Variants in NR4A3 observed in about 807,000 individuals in gnomAD.
NR4A3 encodes nuclear receptor subfamily 4 group A member 3.
A neutral mutation model predicts 55.6 loss-of-function variants in NR4A3; 13 were observed. That is an observed-to-expected ratio of 0.23 (90% confidence interval 0.15 to 0.37). The LOEUF (loss-of-function observed/expected upper bound fraction) is 0.37, where lower values mean the gene tolerates loss of function less well. Ranked by LOEUF, NR4A3 falls within the 10% of genes least tolerant of loss-of-function variation. NR4A3 has a pLI of 1.00. For missense variants in NR4A3, 646 were observed against 822.8 expected, an observed-to-expected ratio of 0.79 and a Z score of 2.63; for synonymous variants, 342 against 357.9, an observed-to-expected ratio of 0.96 and a Z score of 0.50.
intron 6 of NR4A3, among the ~76,000 whole-genome samples, chr9:99,845,211 C>T (rs920084712): frequency 2.6e-5 from 4 of 152,196 alleles, no homozygotes; most frequent in African/African-American, 9.7e-5. Context: ...TAAGCTATTT[C>T]CTGGGAGCAA....
At chr9:99,847,344 C>T (rs1439189530) in intron 6 of NR4A3, 93 bp from the exon 7 acceptor site, 8 of 1,216,078 alleles carry the variant, frequency 6.6e-6, no homozygotes, top group Non-Finnish European at 9.6e-6. Context: ...CAATGCTGCC[C>T]CATGGCTGTC....
Position 99,864,637 on chromosome 9 carries a change from C to G in NR4A3, c.*770C>G, listed in dbSNP as rs138101219. 4.4e-6 allele frequency: 1 copy of G among 228,470 alleles called. No homozygotes were observed. Among genetic ancestry groups the G allele is most frequent in the Non-Finnish European group, 8.7e-6 (1 of 114,732 alleles). The allele number at this position is 228,470 out of a possible 1,614,324, so 14.2% of individuals were successfully genotyped here. A position where few individuals can be genotyped will look rare whatever the true frequency, so the allele number is the denominator to read the frequency against. The stretch of plus-strand genomic sequence containing the variant: ...GATCCCTTCTGAGGTATGGCCCATC[C>G]AAGACTTTTAGGCCATTCTTGATGG... On this transcript the variant is annotated 3_prime_UTR_variant, in exon 8 of 8. Transcript: ENST00000395097.
rs59274273 is a variant in NR4A3 at position 99,862,549 on chromosome 9, C to CAAAAAAAAAAAAAAAAAAAAAAAA, written c.1634-1060_1634-1037dup. On this transcript the variant is annotated intron_variant, in intron 7 of 7. Transcript: ENST00000395097. ...TAGGCAACAGAGTAAGACTCTGTCT[C>CAAAAAAAAAAAAAAAAAAAAAAAA]AAAAAAAAAAAAAAAAAAAAAAAAA... Among the ~76,000 whole-genome samples the CAAAAAAAAAAAAAAAAAAAAAAAA allele has an allele frequency of 5.8e-4, 42 of 72,808 alleles. 2 individuals carry two copies. Among genetic ancestry groups the CAAAAAAAAAAAAAAAAAAAAAAAA allele is most frequent in the African/African-American group, 7.9e-4 (12 of 15,252 alleles). 47.8% of individuals were successfully genotyped at this position (72,808 alleles called of 152,430 possible).
At chr9:99,844,567 G>A in intron 5 of NR4A3, 82 bp from the exon 6 acceptor site, 1 of 1,102,908 alleles carries the variant, frequency 9.1e-7, no homozygotes, top group Non-Finnish European at 1.4e-6. Context: ...GGCATTGATG[G>A]TCTTGGAAGG....
At chr9:99,857,940 T>C (rs538943830) in intron 7 of NR4A3, among the ~76,000 whole-genome samples, 2 of 152,308 alleles carry the variant, frequency 1.3e-5, no homozygotes, top group Non-Finnish European at 2.9e-5. Flanking sequence ...CTTACACTTT[T>C]AGTGCTTATA....
Position 99,832,774 on chromosome 9 carries a change from A to G in NR4A3, c.1037A>G (p.Tyr346Cys). The G allele has an allele frequency of 6.2e-7, 1 of 1,606,636 alleles. No individual in the cohort carries two copies. Among genetic ancestry groups the G allele is most frequent in the African/African-American group, 1.3e-5 (1 of 74,966 alleles). The change falls in exon 4 of 8, where the codon TAC becomes TGC. Residue 346 changes from tyrosine (Y) to cysteine (C), a missense_variant. Around this residue, in one of 5 missense-constraint regions of NR4A3, gnomAD observed 44 missense variants for 119.3 expected, o/e 0.37. Coordinates refer to ENST00000395097, the MANE Select transcript of NR4A3 (RefSeq NM_006981.4). The part of the protein sequence containing the change: ...VDKRRRNRCQ[Y>C]CRFQKCLSVG... Reference sequence around the variant, plus strand: ...AAGAGACGTCGAAACCGATGTCAGTACTGTCGATTTCAGAAGTGTCTCAGT... The same window carrying G: ...AAGAGACGTCGAAACCGATGTCAGTGCTGTCGATTTCAGAAGTGTCTCAGT...
chr9:99,828,709 C>G lies in NR4A3; in HGVS notation c.667C>G (p.Leu223Val), dbSNP rs967543051. The G allele has an allele frequency of 1.5e-6, 2 of 1,312,178 alleles. No individual in the cohort carries two copies. The highest frequency in any genetic ancestry group is 3.1e-5 in the African/African-American group (2 of 64,518). The allele number at this position is 1,312,178 out of a possible 1,614,324, so 81.3% of individuals were successfully genotyped here. ...YDPTAAAALSLPLGAAAAAGS... is the reference protein window; with the variant it reads ...YDPTAAAALSVPLGAAAAAGS... ...CCCGACGGCCGCTGCCGCGCTCAGC[C>G]TGCCGCTGGGAGCCGCAGCCGCCGC... is the stretch of plus-strand genomic sequence containing the variant. Residue 223 changes from leucine (L) to valine (V), a missense_variant, in exon 3 of 8, where the codon CTG (leucine) becomes GTG (valine). Coordinates refer to ENST00000395097, the MANE Select transcript of NR4A3 (RefSeq NM_006981.4). This position sits in a 1 kb window ranked among gnomAD's most constrained non-coding sequence, Gnocchi z 7.7.
Position 99,827,249 on chromosome 9 carries a change from GAT to G in NR4A3, c.-2-783_-2-782del, listed in dbSNP as rs1163229364. ...GATATGTTTTATTAGTTAGAATTGG[GAT>G]ATATATATGTGTGTGTGTGTGTGTG... On this transcript the variant is annotated intron_variant, in intron 2 of 7. Transcript: ENST00000395097. Among the ~76,000 whole-genome samples the G allele has an allele frequency of 1.6e-3, 236 of 146,688 alleles. 1 individual carries two copies. The highest frequency in any genetic ancestry group is 2.5e-3 in the African/African-American group (97 of 39,462).
chr9:99,824,415 G>T (rs565597066), intron 1 of NR4A3, among the ~76,000 whole-genome samples: 15 of 152,356 alleles, frequency 9.8e-5, no homozygotes, highest in African/African-American at 3.6e-4. Context: ...TTGAAGATGC[G>T]GGGAGACGGG....
intron 7 of NR4A3, among the ~76,000 whole-genome samples, chr9:99,862,800 T>C (rs750865960): frequency 1.3e-5 from 2 of 152,182 alleles, no homozygotes; most frequent in Non-Finnish European, 2.9e-5. Flanking sequence ...GAGATCATTT[T>C]ATATATTGTT....
chr9:99,831,813 A>C (rs1199939895), intron 3 of NR4A3, among the ~76,000 whole-genome samples: 1 of 152,234 alleles, frequency 6.6e-6, no homozygotes, highest in Non-Finnish European at 1.5e-5. Context: ...TTATTTCTCC[A>C]TGTGTCATTT....
Position 99,833,443 on chromosome 9 carries a change from G to T in NR4A3, c.1243G>T (p.Asp415Tyr). ...AACAGACTCAACACCCAGAGATCTT[G>T]ATTATTCCAGAGTAAGTTTTATGAT... Reference protein sequence around the residue: ...ALTDSTPRDLDYSRYCPTDQA... With the variant: ...ALTDSTPRDLYYSRYCPTDQA... Residue 415 changes from aspartate to tyrosine, a missense_variant, in exon 5 of 8, where the codon GAT (aspartate) becomes TAT (tyrosine). Asp to Tyr is a radical substitution (Grantham distance 160). Around this residue, in one of 5 missense-constraint regions of NR4A3, gnomAD observed 163 missense variants for 233.0 expected, o/e 0.70. Coordinates refer to ENST00000395097, the MANE Select transcript of NR4A3 (RefSeq NM_006981.4). 1 of 1,614,098 alleles carries T rather than the reference G, an allele frequency of 6.2e-7. No individual in the cohort carries two copies. The highest frequency in any genetic ancestry group is 8.5e-7 in the Non-Finnish European group (1 of 1,179,966).
intron 7 of NR4A3, among the ~76,000 whole-genome samples, chr9:99,857,206 CG>C (rs1827942380): frequency 6.6e-6 from 1 of 151,726 alleles, no homozygotes; most frequent in Non-Finnish European, 1.5e-5. Context: ...TATGATGGCT[CG>C]GGGGGAAGAA....
Position 99,828,158 on chromosome 9 carries a change from C to T in NR4A3, c.116C>T (p.Thr39Ile). The T allele has an allele frequency of 1.9e-6, 3 of 1,614,142 alleles. No individual in the cohort carries two copies. The highest frequency in any genetic ancestry group is 2.2e-5 in the East Asian group (1 of 44,884). Residue 39 changes from threonine to isoleucine, a missense_variant, in exon 3 of 8, where the codon ACC becomes ATC. Physicochemically the swap from Thr to Ile is moderately conservative, Grantham distance 89. Around this residue, in one of 5 missense-constraint regions of NR4A3, gnomAD observed 426 missense variants for 429.4 expected, o/e 0.99. Transcript: ENST00000395097. This position sits in a 1 kb window ranked among gnomAD's most constrained non-coding sequence, Gnocchi z 7.7. ...EIMNPDYTKLTMDLGSTEITA... is the reference protein window; with the variant it reads ...EIMNPDYTKLIMDLGSTEITA... ...ATGAACCCCGACTACACCAAGCTGA[C>T]CATGGACCTTGGCAGCACTGAGATC...
chr9:99,830,279 A>C (rs1827413066), intron 3 of NR4A3, among the ~76,000 whole-genome samples: 1 of 152,214 alleles, frequency 6.6e-6, no homozygotes. Context: ...CAATTGTATC[A>C]TGTTGGGCAT....
At chr9:99,836,418 G>A (rs1341498387) in intron 5 of NR4A3, among the ~76,000 whole-genome samples, 1 of 152,210 alleles carries the variant, frequency 6.6e-6, no homozygotes, top group Non-Finnish European at 1.5e-5. Context: ...AGCTGCAGTA[G>A]TAGGAGTATG....
intron 2 of NR4A3, among the ~76,000 whole-genome samples, chr9:99,826,414 A>G (rs1003270548): frequency 6.6e-6 from 1 of 152,246 alleles, no homozygotes; most frequent in African/African-American, 2.4e-5. Context: ...GCAGATAAAT[A>G]GAATACAATC....
chr9:99,837,488 C>G (rs1827577335), intron 5 of NR4A3, among the ~76,000 whole-genome samples: 1 of 152,042 alleles, frequency 6.6e-6, no homozygotes, highest in Admixed American at 6.6e-5. Flanking sequence ...ATCATACTGT[C>G]ACTTCTATTT....
At chr9:99,830,480 A>G (rs1827417625) in intron 3 of NR4A3, among the ~76,000 whole-genome samples, 1 of 151,896 alleles carries the variant, frequency 6.6e-6, no homozygotes, top group Non-Finnish European at 1.5e-5. Flanking sequence ...CATAGCAACA[A>G]GCAACAATTA....
Sources: allele counts gnomAD v4.1 joint callset (sites outside exome capture counted in the v4.1 genomes callset), GRCh38; gene constraint gnomAD v4.1.1; regional missense constraint gnomAD v4.1.1; non-coding constraint Gnocchi (gnomAD v3.1); transcripts MANE v1.5; gene names NCBI Gene and HGNC (gene_info 2026-07-23, HGNC 2026-07-21).